Variants in CADM2 observed in about 807,000 individuals in gnomAD.
CADM2 encodes the protein cell adhesion molecule 2, also known as immunoglobulin superfamily member 4D.
CADM2 carries 12 observed loss-of-function variants against 49.8 expected under a neutral mutation model. The ratio of observed to expected loss-of-function variants is 0.24; its 90% CI spans 0.15 to 0.39. CADM2 has a LOEUF of 0.39. CADM2 is among the 10% of genes least tolerant of loss of function. The probability of loss-of-function intolerance (pLI) is 1.00; values close to 1 mark genes in which losing one functional copy is unlikely to be tolerated. For missense variants in CADM2, 378 were observed against 492.3 expected, an observed-to-expected ratio of 0.77 and a Z score of 2.20; for synonymous variants, 214 against 175.4, an observed-to-expected ratio of 1.22 and a Z score of -1.74.
chr3:85,777,422 A>T (rs1052583150), intron 2 of CADM2, among the ~76,000 whole-genome samples: 1 of 151,710 alleles, frequency 6.6e-6, no homozygotes, highest in Non-Finnish European at 1.5e-5. Flanking sequence ...TGCCTGGCTA[A>T]TTTTTTTGTT....
At chr3:85,181,735 AT>A (rs1373950079) in intron 1 of CADM2, among the ~76,000 whole-genome samples, 4 of 151,518 alleles carry the variant, frequency 2.6e-5, no homozygotes, top group South Asian at 2.1e-4. Flanking sequence ...ACCCACAGAG[AT>A]TTTTTTCCCA....
intron 1 of CADM2, among the ~76,000 whole-genome samples, chr3:85,440,995 T>C (rs2037175924): frequency 6.6e-6 from 1 of 151,992 alleles, no homozygotes; most frequent in African/African-American, 2.4e-5. Flanking sequence ...AAAAGACATA[T>C]TTTATATCTT....
At chr3:85,296,495 A>T (rs1260146332) in intron 1 of CADM2, among the ~76,000 whole-genome samples, 1 of 151,970 alleles carries the variant, frequency 6.6e-6, no homozygotes, top group Non-Finnish European at 1.5e-5. Context: ...GTATAGTAAC[A>T]TGTTTTATAG....
chr3:85,176,228 C>T (rs2040782201), intron 1 of CADM2, among the ~76,000 whole-genome samples: 1 of 152,070 alleles, frequency 6.6e-6, no homozygotes, highest in Admixed American at 6.5e-5. Context: ...CAATAGGCTG[C>T]GCTGTCACTT....
chr3:86,016,906 A>G (rs1264462788), intron 8 of CADM2, among the ~76,000 whole-genome samples: 1 of 152,144 alleles, frequency 6.6e-6, no homozygotes, highest in Non-Finnish European at 1.5e-5. Flanking sequence ...CAAAAGAATT[A>G]TTTTAAAACT....
At chr3:85,393,367 T>A (rs947611591) in intron 1 of CADM2, among the ~76,000 whole-genome samples, 9 of 152,094 alleles carry the variant, frequency 5.9e-5, no homozygotes, top group Admixed American at 2.6e-4. Flanking sequence ...TACAAACAAT[T>A]AGAAATTCCC....
intron 1 of CADM2, among the ~76,000 whole-genome samples, chr3:85,413,426 A>G (rs576486223): frequency 5.9e-5 from 9 of 152,136 alleles, no homozygotes; most frequent in Admixed American, 5.9e-4. Context: ...ATATGTACTG[A>G]TCTCTTCTCA....
chr3:85,561,575 A>G (rs17519262), intron 1 of CADM2, among the ~76,000 whole-genome samples: 77,919 of 152,032 alleles, frequency 0.51, 23,054 homozygotes, highest in East Asian at 0.85. Flanking sequence ...CTAGGTTTTT[A>G]TCTTCCATGG....
At chr3:85,782,251 A>G (rs2070696432) in intron 2 of CADM2, among the ~76,000 whole-genome samples, 1 of 152,228 alleles carries the variant, frequency 6.6e-6, no homozygotes, top group Admixed American at 6.5e-5. Flanking sequence ...GTTAGAATAA[A>G]TGGAAATTAA....
chr3:85,020,747 T>A (rs13065414), intron 1 of CADM2, among the ~76,000 whole-genome samples: 3 of 39,534 alleles, frequency 7.6e-5, no homozygotes, highest in African/African-American at 3.6e-4. Flanking sequence ...ATGTGTACGG[T>A]GTGTGTGTGT....
intron 1 of CADM2, among the ~76,000 whole-genome samples, chr3:85,625,713 A>G (rs192033691): frequency 9.2e-5 from 14 of 152,128 alleles, no homozygotes; most frequent in Non-Finnish European, 1.0e-4. Context: ...TTAACTTCAC[A>G]TGAGTAATAA....
At chr3:85,987,601 A>C (rs1441757682) in intron 8 of CADM2, among the ~76,000 whole-genome samples, 1 of 147,138 alleles carries the variant, frequency 6.8e-6, no homozygotes, top group East Asian at 1.9e-4. Context: ...AAATTGTTAT[A>C]ATAAATTATA....
intron 1 of CADM2, among the ~76,000 whole-genome samples, chr3:85,629,347 G>T (rs563982034): frequency 2.8e-4 from 43 of 151,906 alleles, no homozygotes; most frequent in African/African-American, 9.6e-4. Context: ...GTAAAGTCAT[G>T]CAATAGGGAT....
chr3:85,376,781 A>T (rs1672329514), intron 1 of CADM2, among the ~76,000 whole-genome samples: 2 of 152,192 alleles, frequency 1.3e-5, no homozygotes, highest in African/African-American at 4.8e-5. Flanking sequence ...TAAAGTTTAT[A>T]CAATTGAGTA....
At chr3:85,380,994 T>A (rs989421934) in intron 1 of CADM2, among the ~76,000 whole-genome samples, 1 of 152,006 alleles carries the variant, frequency 6.6e-6, no homozygotes, top group Non-Finnish European at 1.5e-5. Flanking sequence ...GAATGATATT[T>A]TAGAAGAGAA....
intron 6 of CADM2, among the ~76,000 whole-genome samples, chr3:85,924,496 G>A (rs1177207638): frequency 6.6e-6 from 1 of 152,028 alleles, no homozygotes; most frequent in East Asian, 1.9e-4. Context: ...GGGGGCCAAA[G>A]TGGAAGGATC....
At chr3:85,627,260 C>A (rs1341043272) in intron 1 of CADM2, among the ~76,000 whole-genome samples, 1 of 151,940 alleles carries the variant, frequency 6.6e-6, no homozygotes, top group Non-Finnish European at 1.5e-5. Context: ...CTTTGTAATT[C>A]TTTCTGCTTT....
At chr3:86,045,021 G>A (rs1270402268) in intron 8 of CADM2, among the ~76,000 whole-genome samples, 2 of 149,938 alleles carry the variant, frequency 1.3e-5, no homozygotes, top group Admixed American at 6.7e-5. Context: ...AGAACACATG[G>A]ACACAGGAAG....
intron 1 of CADM2, among the ~76,000 whole-genome samples, chr3:85,511,392 C>A: frequency 6.6e-6 from 1 of 152,064 alleles, no homozygotes; most frequent in Admixed American, 6.6e-5. Context: ...TTGTTATTTC[C>A]ACTGCATTGT....
Sources: gnomAD v4.1 joint callset for allele counts (sites outside exome capture counted in the v4.1 genomes callset) on GRCh38, gnomAD v4.1.1 for gene constraint, MANE v1.5 for transcripts, NCBI Gene and HGNC (gene_info 2026-07-23, HGNC 2026-07-21) for gene names.